THUMPD2: variants seen among roughly 807,000 people sequenced by gnomAD.
THUMPD2 encodes U6 snRNA (guanine-N(2))-methyltransferase THUMPD2.
Under a neutral mutation model 49.4 loss-of-function variants are expected in THUMPD2, and 56 were observed. That is an observed-to-expected ratio of 1.13 (90% CI 0.91 to 1.41). The LOEUF (loss-of-function observed/expected upper bound fraction) is 1.41. Ranked by LOEUF, THUMPD2 falls within the 40% of genes most tolerant of loss-of-function variation. The pLI is 0.00. For synonymous variants in THUMPD2, 237 were observed against 205.2 expected (o/e 1.15, Z -1.32); for missense variants, 709 against 594.5 (o/e 1.19, Z -2.00).
chr2:39,738,969 C>A (rs1412355629), intron 9 of THUMPD2, among the ~76,000 whole-genome samples: 1 of 152,112 alleles, frequency 6.6e-6, no homozygotes, highest in African/African-American at 2.4e-5. Context: ...ATCTAAGAAG[C>A]TTAGGTAGCT....
At chr2:39,746,158 G>C (rs1674562302) in intron 8 of THUMPD2, among the ~76,000 whole-genome samples, 1 of 152,156 alleles carries the variant, frequency 6.6e-6, no homozygotes. Flanking sequence ...GGAGATGACA[G>C]CCAGGTGGAA....
chr2:39,751,539 T>G (rs1276140152), intron 8 of THUMPD2, among the ~76,000 whole-genome samples: 1 of 152,200 alleles, frequency 6.6e-6, no homozygotes, highest in Non-Finnish European at 1.5e-5. Context: ...ACTGAGAATG[T>G]AAATATATCT....
chr2:39,749,791 GT>G (rs1675145086), intron 8 of THUMPD2, among the ~76,000 whole-genome samples: 1 of 148,314 alleles, frequency 6.7e-6, no homozygotes, highest in African/African-American at 2.5e-5. Flanking sequence ...TGTGTGTGTT[GT>G]CCCCCAACCA....
At chr2:39,776,499 T>C (rs1418149467) in intron 1 of THUMPD2, among the ~76,000 whole-genome samples, 2 of 151,596 alleles carry the variant, frequency 1.3e-5, no homozygotes, top group African/African-American at 4.9e-5. Context: ...GTTCAAGCAA[T>C]TCTCGTGCCT....
At chr2:39,769,620 T>C (rs1678040193) in intron 3 of THUMPD2, 90 bp downstream of exon 3, 16 of 1,334,074 alleles carry the variant, frequency 1.2e-5, no homozygotes, top group Admixed American at 2.7e-5. Flanking sequence ...AAGAATCACC[T>C]GAACCTGGGA....
chr2:39,765,859 C>T (rs889275482), intron 5 of THUMPD2, among the ~76,000 whole-genome samples, 198 bp downstream of exon 5: 5 of 152,082 alleles, frequency 3.3e-5, no homozygotes, highest in Non-Finnish European at 1.5e-5. Flanking sequence ...CAAATATTTC[C>T]CAGCTCTAAC....
At chr2:39,768,986 A>T in intron 3 of THUMPD2, 1 of 1,304,610 alleles carries the variant, frequency 7.7e-7, no homozygotes, top group Non-Finnish European at 1.0e-6. Flanking sequence ...GGGCCAACTG[A>T]TGAGGTCTGG....
intron 8 of THUMPD2, among the ~76,000 whole-genome samples, chr2:39,745,618 T>G (rs1367111974): frequency 6.6e-6 from 1 of 152,194 alleles, no homozygotes; most frequent in Non-Finnish European, 1.5e-5. Flanking sequence ...TCCCAAGTCT[T>G]TCTTTTGCCT....
At chr2:39,773,558 AATATATATATATTTATATTTTAAAAAT>A (rs1678629320) in intron 1 of THUMPD2, among the ~76,000 whole-genome samples, 2 of 40,264 alleles carry the variant, frequency 5.0e-5, no homozygotes, top group African/African-American at 1.9e-4. Flanking sequence ...TATATTTAAA[AATATATATATATTTATATTTTAAAAAT>A]ATATATATAT....
At position 39,769,834 on chromosome 2, in the gene THUMPD2, T is replaced by C; in HGVS notation, c.548A>G (p.Lys183Arg). 6.2e-7 allele frequency: 1 copy of C among 1,612,136 alleles called. No individual in the cohort carries two copies. Among genetic ancestry groups the C allele is most frequent in the Non-Finnish European group, 8.5e-7 (1 of 1,179,520 alleles). Residue 183 changes from lysine to arginine, a missense_variant, in exon 3 of 10, where the codon AAG becomes AGG. Coordinates refer to ENST00000505747, the MANE Select transcript of THUMPD2 (RefSeq NM_025264.5). The part of the protein sequence containing the change: ...EQRDFTTKSE[K>R]FQEEEFQNDI... Reference sequence around the variant, plus strand: ...ATTCTGAAATTCTTCTTCTTGAAACTTTTCGCTTTTAGTGGTAAAATCTCT... The same window carrying C: ...ATTCTGAAATTCTTCTTCTTGAAACCTTTCGCTTTTAGTGGTAAAATCTCT...
chr2:39,737,999 C>G (rs931607905), intron 9 of THUMPD2, among the ~76,000 whole-genome samples: 3 of 152,064 alleles, frequency 2.0e-5, no homozygotes. Context: ...CACCAGAGAG[C>G]TGGATACACA....
chr2:39,776,501 C>T (rs1181877089), intron 1 of THUMPD2, among the ~76,000 whole-genome samples: 1 of 151,276 alleles, frequency 6.6e-6, no homozygotes, highest in African/African-American at 2.4e-5. Flanking sequence ...TCAAGCAATT[C>T]TCGTGCCTCA....
chr2:39,763,451 T>C (rs1677094110), intron 5 of THUMPD2, among the ~76,000 whole-genome samples: 1 of 152,192 alleles, frequency 6.6e-6, no homozygotes, highest in Admixed American at 6.5e-5. Flanking sequence ...ACCTGAACTC[T>C]AGATCTGTAA....
chr2:39,755,519 A>T, intron 7 of THUMPD2, 110 bp from the exon 8 acceptor site: 1 of 713,784 alleles, frequency 1.4e-6, no homozygotes, highest in Non-Finnish European at 2.2e-6. Context: ...GTAGATTTTA[A>T]ATTCAGGTCA....
Position 39,755,966 on chromosome 2 carries a change from G to A in THUMPD2, c.892-6C>T, listed in dbSNP as rs777662131. 16 of 1,613,074 alleles carry A rather than the reference G, an allele frequency of 9.9e-6. No homozygotes were observed. The South Asian group carries it at 1.2e-4, about 12-fold the overall frequency. On this transcript the variant is annotated splice_region_variant and splice_polypyrimidine_tract_variant and intron_variant, in intron 6 of 9. Transcript: ENST00000505747. The stretch of plus-strand genomic sequence containing the variant: ...TCTAAAACAAATGCACCAGCCTGCA[G>A]ACAGAAATATTAATTTGGTATTATT...
At chr2:39,772,428 T>A (rs143548685) in intron 1 of THUMPD2, among the ~76,000 whole-genome samples, 2 of 151,970 alleles carry the variant, frequency 1.3e-5, no homozygotes, top group East Asian at 1.9e-4. Flanking sequence ...AAGGACTGAG[T>A]GTAGAATGTG....
At chr2:39,767,568 C>T (rs1020556832) in intron 4 of THUMPD2, among the ~76,000 whole-genome samples, 5 of 125,130 alleles carry the variant, frequency 4.0e-5, no homozygotes, top group African/African-American at 1.6e-4. Context: ...CCCGCCACTG[C>T]ACTCCAGCCT....
intron 5 of THUMPD2, among the ~76,000 whole-genome samples, chr2:39,762,828 T>C (rs1203996604): frequency 1.3e-5 from 2 of 151,126 alleles, no homozygotes; most frequent in Admixed American, 6.6e-5. Context: ...TTTGTCCATA[T>C]ATATGAAAAA....
chr2:39,760,959 G>A (rs1184216691), intron 6 of THUMPD2, among the ~76,000 whole-genome samples: 1 of 152,234 alleles, frequency 6.6e-6, no homozygotes, highest in East Asian at 1.9e-4. Context: ...TTCTTCACTA[G>A]AAGATAAAGT....
Sources: gnomAD v4.1 joint callset for allele counts (sites outside exome capture counted in the v4.1 genomes callset) on GRCh38, gnomAD v4.1.1 for gene constraint, MANE v1.5 for transcripts, NCBI Gene and HGNC (gene_info 2026-07-23, HGNC 2026-07-21) for gene names.